Variants in CRYBG2 observed in about 807,000 individuals in gnomAD.
The protein encoded by CRYBG2 is beta/gamma crystallin domain-containing protein 2.
CRYBG2 carries 106 observed loss-of-function variants against 153.4 expected under a neutral mutation model. That is an observed-to-expected ratio of 0.69 (90% CI 0.59 to 0.81). The LOEUF is 0.81. CRYBG2 is among the 30% of genes least tolerant of loss of function. The pLI is 0.00. For synonymous variants in CRYBG2, 851 were observed against 877.8 expected, an observed-to-expected ratio of 0.97 and a Z score of 0.54; for missense variants, 1,996 against 2,112.0, an observed-to-expected ratio of 0.95 and a Z score of 1.08.
In CRYBG2 at chr1:26,337,267, G is replaced by A; in HGVS notation, c.3757C>T (p.Arg1253Trp). Residue 1253 changes from arginine to tryptophan, a missense_variant, in exon 10 of 20, where the codon CGG (arginine) becomes TGG (tryptophan). Physicochemically the swap from Arg to Trp is moderately radical, Grantham distance 101 (BLOSUM62 -3). Transcript: ENST00000308182. ...CCTTTGCTTACCGTCCGGATGACCC[G>A]GAGGGAGGTCAGCAACTCGTCATAG... is the stretch of plus-strand genomic sequence containing the variant. Reference protein sequence around the residue: ...GGYDELLTSLRVIRTDFGDPA... With the variant: ...GGYDELLTSLWVIRTDFGDPA... 2 of 1,614,072 alleles carry A rather than the reference G, an allele frequency of 1.2e-6. No individual in the cohort carries two copies. Among genetic ancestry groups the A allele is most frequent in the Non-Finnish European group, 1.7e-6 (2 of 1,179,988 alleles).
At position 26,350,795 on chromosome 1, in the gene CRYBG2, C is replaced by T. The variant is rs559587491; in HGVS notation, c.-56+3241G>A. On this transcript the variant is annotated intron_variant, in intron 1 of 19. Transcript: ENST00000308182. ...CCCAGAGAGGCCAGCCTGTTCAGCC[C>T]GAGTCTTTGGGCCTTCTCCATGAGG... is the stretch of plus-strand genomic sequence containing the variant. Among the ~76,000 whole-genome samples, 13 of 152,132 alleles carry T rather than the reference C, an allele frequency of 8.5e-5. No homozygotes were observed. The South Asian group carries it at 1.0e-3, about 12-fold the overall frequency.
chr1:26,339,372 C>T lies in CRYBG2; in HGVS notation c.3262G>A (p.Val1088Met), dbSNP rs2074101178. The part of the protein sequence containing the change: ...FSEEGLKGEQ[V>M]KLTEALKNSQ... Reference sequence around the variant, plus strand: ...TTCTTCAAGGCCTCTGTTAGCTTCACTTGCTCCCCCTTGAGGCCCTCCTCA... The same window carrying T: ...TTCTTCAAGGCCTCTGTTAGCTTCATTTGCTCCCCCTTGAGGCCCTCCTCA... Residue 1088 changes from valine (V) to methionine (M), a missense_variant, in exon 6 of 20, where the codon GTG (valine) becomes ATG (methionine). Physicochemically the swap from Val to Met is conservative, Grantham distance 21. Coordinates refer to ENST00000308182, the MANE Select transcript of CRYBG2 (RefSeq NM_001039775.4). The T allele has an allele frequency of 6.2e-7, 1 of 1,614,246 alleles. No homozygotes were observed. Among genetic ancestry groups the T allele is most frequent in the Non-Finnish European group, 8.5e-7 (1 of 1,180,042 alleles).
At chr1:26,350,001 GTT>G (rs1464462093) in intron 1 of CRYBG2, among the ~76,000 whole-genome samples, 1 of 151,914 alleles carries the variant, frequency 6.6e-6, no homozygotes, top group East Asian at 1.9e-4. Flanking sequence ...TTTTTGTAGA[GTT>G]GGGGTTTCAC....
At chr1:26,353,057 A>G (rs1371752609) in intron 1 of CRYBG2, among the ~76,000 whole-genome samples, 2 of 152,124 alleles carry the variant, frequency 1.3e-5, no homozygotes, top group African/African-American at 4.8e-5. Context: ...AGGGCCAAAG[A>G]GGTTTCTTCC....
At chr1:26,326,014 C>A (rs368851240) in intron 17 of CRYBG2, among the ~76,000 whole-genome samples, 1 of 151,968 alleles carries the variant, frequency 6.6e-6, no homozygotes, top group East Asian at 1.9e-4. Flanking sequence ...GTGATCCTCC[C>A]GAGTAGCTGG....
chr1:26,337,353 A>T lies in CRYBG2; in HGVS notation c.3671T>A (p.Phe1224Tyr). The change falls in exon 10 of 20, where the codon TTC becomes TAC. Residue 1224 changes from phenylalanine to tyrosine, a missense_variant. Phe to Tyr is a conservative substitution (Grantham distance 22). Coordinates refer to ENST00000308182, the MANE Select transcript of CRYBG2 (RefSeq NM_001039775.4). Reference protein sequence around the residue: ...GCWVGYEKEGFRGHQYLLEEG... With the variant: ...GCWVGYEKEGYRGHQYLLEEG... Reference sequence around the variant, plus strand: ...CTCCAGCAGATACTGGTGGCCCCGGAAGCCCTCCTTCTCGTAGCCCACCCA... The same window carrying T: ...CTCCAGCAGATACTGGTGGCCCCGGTAGCCCTCCTTCTCGTAGCCCACCCA... 6.2e-7 allele frequency: 1 copy of T among 1,613,888 alleles called. No individual in the cohort carries two copies. The highest frequency in any genetic ancestry group is 2.2e-5 in the East Asian group (1 of 44,870).
chr1:26,346,350 G>T lies in CRYBG2; in HGVS notation c.308C>A (p.Pro103Gln). 6.3e-7 allele frequency: 1 copy of T among 1,599,372 alleles called. No individual in the cohort carries two copies. The highest frequency in any genetic ancestry group is 8.5e-7 in the Non-Finnish European group (1 of 1,179,762). ...HGPIFSKKYI[P>Q]PPKEKRPEGR... ...CTCAGGCCTTTTCTCCTTGGGAGGT[G>T]GTATGTACTTCTTGGAAAAGATGGG... is the stretch of plus-strand genomic sequence containing the variant. Residue 103 changes from proline (P) to glutamine (Q), a missense_variant, in exon 2 of 20, where the codon CCA becomes CAA. Coordinates refer to ENST00000308182, the MANE Select transcript of CRYBG2 (RefSeq NM_001039775.4). This position sits in a 1 kb window ranked among gnomAD's most constrained non-coding sequence, Gnocchi z 4.9.
intron 7 of CRYBG2, 59 bp from the exon 8 acceptor site, chr1:26,338,106 C>A: frequency 6.3e-7 from 1 of 1,588,092 alleles, no homozygotes; most frequent in Non-Finnish European, 8.6e-7. Flanking sequence ...GATGGGGCTG[C>A]GGATCTAGGA....
intron 5 of CRYBG2, among the ~76,000 whole-genome samples, chr1:26,339,701 A>G (rs1570192275): frequency 6.6e-6 from 1 of 151,768 alleles, no homozygotes; most frequent in Admixed American, 6.6e-5. Flanking sequence ...ATGCCATTGC[A>G]CTCAAGCCTG....
Position 26,336,245 on chromosome 1 carries a change from A to G in CRYBG2, c.4072-38T>C, listed in dbSNP as rs1349451454. The G allele has an allele frequency of 6.3e-7, 1 of 1,583,182 alleles. No homozygotes were observed. Among genetic ancestry groups the G allele is most frequent in the African/African-American group, 1.3e-5 (1 of 74,196 alleles). ...AGGGGAGATGAGGGGAAGGAGGACG[A>G]TGGAGTGGGGCCGAGAACAGCGGGG... On this transcript the variant is annotated intron_variant, in intron 13 of 19. Transcript: ENST00000308182. This position sits in a 1 kb window ranked among gnomAD's most constrained non-coding sequence, Gnocchi z 4.9.
intron 5 of CRYBG2, among the ~76,000 whole-genome samples, chr1:26,341,059 C>T (rs1211292654): frequency 6.6e-6 from 1 of 152,044 alleles, no homozygotes; most frequent in African/African-American, 2.4e-5. Flanking sequence ...GAAAATCAGG[C>T]CGGGCGCAGT....
Position 26,346,351 on chromosome 1 carries a change from G to A in CRYBG2, c.307C>T (p.Pro103Ser). ...HGPIFSKKYI[P>S]PPKEKRPEGR... is the part of the protein sequence containing the mutation. ...TCAGGCCTTTTCTCCTTGGGAGGTG[G>A]TATGTACTTCTTGGAAAAGATGGGT... is the stretch of plus-strand genomic sequence containing the variant. The change falls in exon 2 of 20, where the codon CCA becomes TCA. Residue 103 changes from proline to serine, a missense_variant. Transcript: ENST00000308182. The surrounding 1 kb of genome is among the most constrained non-coding windows in gnomAD (Gnocchi z 4.9). 2 of 1,599,442 alleles carry A rather than the reference G, an allele frequency of 1.3e-6. No individual in the cohort carries two copies. Among genetic ancestry groups the A allele is most frequent in the Admixed American group, 1.7e-5 (1 of 59,998 alleles).
At chr1:26,349,465 G>C (rs1372611730) in intron 1 of CRYBG2, among the ~76,000 whole-genome samples, 2 of 152,164 alleles carry the variant, frequency 1.3e-5, no homozygotes, top group Non-Finnish European at 2.9e-5. Flanking sequence ...ATCCTCAGCA[G>C]AGCATGTCTC....
intron 14 of CRYBG2, among the ~76,000 whole-genome samples, chr1:26,333,842 A>G (rs1008851428): frequency 6.6e-6 from 1 of 152,192 alleles, no homozygotes; most frequent in African/African-American, 2.4e-5. Context: ...TTTTAGAGAT[A>G]AAATCTCACT....
chr1:26,347,248 G>A (rs546173768), intron 1 of CRYBG2, among the ~76,000 whole-genome samples: 12 of 148,800 alleles, frequency 8.1e-5, no homozygotes, highest in South Asian at 6.4e-4. Flanking sequence ...AGTCTTGCCA[G>A]AGTCCAGTAA....
chr1:26,335,774 G>C (rs913987634), intron 14 of CRYBG2, among the ~76,000 whole-genome samples: 1 of 152,144 alleles, frequency 6.6e-6, no homozygotes, highest in Non-Finnish European at 1.5e-5. Context: ...ATGACTTGTA[G>C]CTACGTGGGG....
chr1:26,343,178 G>T lies in CRYBG2; in HGVS notation c.2962-19C>A, dbSNP rs1339842735. 1.3e-6 allele frequency: 2 copies of T among 1,550,562 alleles called. No individual in the cohort carries two copies. Among genetic ancestry groups the T allele is most frequent in the African/African-American group, 1.4e-5 (1 of 73,128 alleles). ...AGATCACCTGAGAAGGCACAGAAGG[G>T]GTCCTCAGGCCCTGACCCCAGGCCC... On this transcript the variant is annotated intron_variant, in intron 3 of 19. Transcript: ENST00000308182. The surrounding 1 kb of genome is among the most constrained non-coding windows in gnomAD (Gnocchi z 4.1).
intron 5 of CRYBG2, among the ~76,000 whole-genome samples, chr1:26,341,864 G>A (rs1026184586): frequency 2.0e-5 from 3 of 152,142 alleles, no homozygotes; most frequent in African/African-American, 4.8e-5. Context: ...GGAAATCACA[G>A]CCCTTCTTGG....
At chr1:26,329,110 T>C (rs1309311304) in intron 15 of CRYBG2, among the ~76,000 whole-genome samples, 1 of 150,424 alleles carries the variant, frequency 6.6e-6, no homozygotes, top group African/African-American at 2.5e-5. Context: ...CTCCAGTAAA[T>C]AGCACTTCTC....
Sources: allele counts gnomAD v4.1 joint callset (sites outside exome capture counted in the v4.1 genomes callset), GRCh38; gene constraint gnomAD v4.1.1; non-coding constraint Gnocchi (gnomAD v3.1); transcripts MANE v1.5; gene names NCBI Gene and HGNC (gene_info 2026-07-23, HGNC 2026-07-21).